CEP135: variants seen among roughly 807,000 people sequenced by gnomAD.
The protein encoded by CEP135 is centrosomal protein 135, also known as centrosomal protein of 135 kDa.
CEP135 carries 142 observed loss-of-function variants against 157.3 expected under a neutral mutation model. That is an observed-to-expected ratio of 0.90 (90% CI 0.79 to 1.04). CEP135 has a LOEUF of 1.04. CEP135 is among the 50% of genes least tolerant of loss of function. The pLI is 0.00. For missense variants in CEP135, 1,317 were observed against 1,309.2 expected (o/e 1.01, Z -0.09); for synonymous variants, 396 against 439.8 (o/e 0.90, Z 1.25).
chr4:55,993,413 G>A (rs1729860818), intron 15 of CEP135, among the ~76,000 whole-genome samples: 1 of 152,198 alleles, frequency 6.6e-6, no homozygotes, highest in African/African-American at 2.4e-5. Flanking sequence ...AGTTAATTAA[G>A]GAATACTATA....
At chr4:55,981,166 A>AT (rs1729391767) in intron 12 of CEP135, 61 bp from the exon 13 acceptor site, 3 of 1,472,850 alleles carry the variant, frequency 2.0e-6, no homozygotes, top group Admixed American at 5.1e-5. Flanking sequence ...TATCCAAAGT[A>AT]TTTTTTATTT....
chr4:55,995,099 C>A (rs1438902964), intron 15 of CEP135, among the ~76,000 whole-genome samples: 1 of 152,178 alleles, frequency 6.6e-6, no homozygotes, highest in Non-Finnish European at 1.5e-5. Context: ...AAATTACTGT[C>A]ATCTCCCTTT....
At chr4:55,980,746 T>G (rs1729376311) in intron 12 of CEP135, among the ~76,000 whole-genome samples, 1 of 152,184 alleles carries the variant, frequency 6.6e-6, no homozygotes, top group Non-Finnish European at 1.5e-5. Context: ...TCCTCAGTTG[T>G]TAGAGGGCAA....
intron 25 of CEP135, 114 bp downstream of exon 25, chr4:56,024,728 TC>T (rs1664518773): frequency 1.4e-6 from 1 of 694,258 alleles, no homozygotes; most frequent in Non-Finnish European, 2.5e-6. Context: ...CAGGAGAACT[TC>T]CTGGAGTAAT....
chr4:55,965,938 C>G lies in CEP135; in HGVS notation c.1044+79C>G, dbSNP rs188398936. 6.2e-4 allele frequency: 748 copies of G among 1,215,552 alleles called. 5 individuals carry two copies. In the African/African-American group the frequency reaches 0.01, roughly 17 times the overall value. The allele number at this position is 1,215,552 out of a possible 1,614,324, so 75.3% of individuals were successfully genotyped here. A position where few individuals can be genotyped will look rare whatever the true frequency, so the allele number is the denominator to read the frequency against. ...CGGTAAGCTTGATCCCTTTTGATAT[C>G]TGCATTCAGGTTTTTGGTTTATTTT... On this transcript the variant is annotated intron_variant, in intron 8 of 25. Coordinates refer to ENST00000257287, the MANE Select transcript of CEP135 (RefSeq NM_025009.5).
In CEP135 at chr4:56,013,543, T is replaced by G. The variant is rs149617088; in HGVS notation, c.2802+1558T>G. ...TCTTTGTTTCATTTTGAGTTAATTTTTACAAATGATATAAGAGCCCAGCAT... is the reference window on the plus strand; with the variant it reads ...TCTTTGTTTCATTTTGAGTTAATTTGTACAAATGATATAAGAGCCCAGCAT... On this transcript the variant is annotated intron_variant, in intron 21 of 25. Transcript: ENST00000257287. 4.3e-4 allele frequency among the ~76,000 whole-genome samples: 66 copies of G among 152,314 alleles called. 1 individual carries two copies. The East Asian group carries it at 0.01, about 23-fold the overall frequency.
chr4:55,969,325 G>A (rs1050587865), intron 9 of CEP135, among the ~76,000 whole-genome samples, 197 bp downstream of exon 9: 4 of 151,784 alleles, frequency 2.6e-5, no homozygotes, highest in Non-Finnish European at 5.9e-5. Context: ...TACTTGGGAG[G>A]CTGAGGCAGG....
In CEP135 at chr4:55,991,109, A is replaced by G. The variant is rs56094964; in HGVS notation, c.1858-825A>G. Among the ~76,000 whole-genome samples, 475 of 152,018 alleles carry G rather than the reference A, an allele frequency of 3.1e-3. 3 individuals are homozygous for G. The highest frequency in any genetic ancestry group is 0.011 in the African/African-American group (461 of 41,502). ...TCCTGCCTCGGCCTCCCAAGTAGCT[A>G]GGACTACAGGCATGTGCCACCACGC... On this transcript the variant is annotated intron_variant, in intron 14 of 25. Coordinates refer to ENST00000257287, the MANE Select transcript of CEP135 (RefSeq NM_025009.5).
chr4:55,974,071 A>C (rs547534044), intron 10 of CEP135, among the ~76,000 whole-genome samples: 2 of 152,344 alleles, frequency 1.3e-5, no homozygotes, highest in Non-Finnish European at 1.5e-5. Flanking sequence ...ATAGTTGTGC[A>C]GCCTTGGCTA....
At chr4:55,995,820 A>ACATCC (rs1729952706) in intron 15 of CEP135, among the ~76,000 whole-genome samples, 1 of 152,168 alleles carries the variant, frequency 6.6e-6, no homozygotes. Context: ...CCCCTAGTAA[A>ACATCC]CATCCTTAAG....
At position 56,032,954 on chromosome 4, in the gene CEP135, G is replaced by C. The variant is rs562663983; in HGVS notation, c.*1606G>C. ...TTATGCCCTTTTTAGTGTGTATTAGGATGTGGGCTGGTTTGCTTTTCTACC... is the reference window on the plus strand; with the variant it reads ...TTATGCCCTTTTTAGTGTGTATTAGCATGTGGGCTGGTTTGCTTTTCTACC... On this transcript the variant is annotated 3_prime_UTR_variant, in exon 26 of 26. Transcript: ENST00000257287. 3 of 151,840 alleles carry C rather than the reference G, an allele frequency of 2.0e-5. No homozygotes were observed. Among genetic ancestry groups the C allele is most frequent in the African/African-American group, 7.2e-5 (3 of 41,414 alleles). The allele number at this position is 151,840 out of a possible 1,614,324, so 9.4% of individuals were successfully genotyped here.
chr4:56,011,307 C>T, intron 19 of CEP135, 105 bp from the exon 20 acceptor site: 1 of 739,142 alleles, frequency 1.4e-6, no homozygotes, highest in South Asian at 1.9e-5. Flanking sequence ...TTCCTTTTGC[C>T]CTACTCTATC....
At chr4:55,986,500 C>T (rs1287498043) in intron 14 of CEP135, among the ~76,000 whole-genome samples, 1 of 152,080 alleles carries the variant, frequency 6.6e-6, no homozygotes, top group East Asian at 1.9e-4. Context: ...TGTGATCACA[C>T]CACTGCACTC....
At chr4:56,010,279 C>T (rs964517010) in intron 19 of CEP135, among the ~76,000 whole-genome samples, 3 of 149,780 alleles carry the variant, frequency 2.0e-5, no homozygotes, top group Non-Finnish European at 4.4e-5. Context: ...AGGAGAATCA[C>T]CTGAACCTGG....
Position 55,980,307 on chromosome 4 carries a change from A to G in CEP135, c.1626+12A>G, listed in dbSNP as rs529765787. 5.5e-6 allele frequency: 8 copies of G among 1,461,042 alleles called. No individual in the cohort carries two copies. In the African/African-American group the frequency reaches 7.1e-5, roughly 13 times the overall value. 90.5% of individuals were successfully genotyped at this position (1,461,042 alleles called of 1,614,324 possible). On this transcript the variant is annotated intron_variant, in intron 12 of 25. Transcript: ENST00000257287. ...TCTTATATAATGAAGTAAGAAATGT[A>G]TTATAATTAAGCCAATAGATTGTAT...
intron 25 of CEP135, among the ~76,000 whole-genome samples, chr4:56,030,376 C>A (rs1226733777): frequency 6.6e-6 from 1 of 152,226 alleles, no homozygotes; most frequent in Non-Finnish European, 1.5e-5. Flanking sequence ...GGACCACAGT[C>A]TTTTATGCAG....
chr4:55,967,101 A>T (rs1203448577), intron 8 of CEP135, among the ~76,000 whole-genome samples: 2 of 151,314 alleles, frequency 1.3e-5, no homozygotes, highest in Non-Finnish European at 2.9e-5. Context: ...AAAAGAGTGA[A>T]TTTTTTTTTA....
chr4:55,952,614 A>G (rs1245989113), intron 2 of CEP135: 2 of 177,096 alleles, frequency 1.1e-5, no homozygotes, highest in African/African-American at 2.4e-5. Context: ...CATGACAGGG[A>G]TACGTTCTGA....
At position 55,974,812 on chromosome 4, in the gene CEP135, C is replaced by T. The variant is rs780572305; in HGVS notation, c.1316C>T (p.Ser439Leu). The change falls in exon 11 of 26, where the codon TCA (serine) becomes TTA (leucine). Residue 439 changes from serine to leucine, a missense_variant. Transcript: ENST00000257287. ...LEHGIKRRDRSPSRLDTFLKG... is the reference protein window; with the variant it reads ...LEHGIKRRDRLPSRLDTFLKG... ...CATGGAATAAAACGTCGAGACAGGT[C>T]ACCTTCTCGTTTAGATACATTTCTG... 1 of 1,613,788 alleles carries T rather than the reference C, an allele frequency of 6.2e-7. No homozygotes were observed. Among genetic ancestry groups the T allele is most frequent in the Admixed American group, 1.7e-5 (1 of 60,006 alleles).
Sources: allele counts gnomAD v4.1 joint callset (sites outside exome capture counted in the v4.1 genomes callset), GRCh38; gene constraint gnomAD v4.1.1; transcripts MANE v1.5; gene names NCBI Gene and HGNC (gene_info 2026-07-23, HGNC 2026-07-21).